The following R3HCC1L variants were observed in gnomAD, a reference collection of about 807,000 sequenced individuals.
R3HCC1L encodes R3H domain and coiled-coil containing 1 like.
A neutral mutation model predicts 59.9 loss-of-function variants in R3HCC1L; 51 were observed. That is an observed-to-expected ratio of 0.85 (90% CI 0.68 to 1.07). The LOEUF (loss-of-function observed/expected upper bound fraction) is 1.07, where lower values mean the gene tolerates loss of function less well. Ranked by LOEUF, R3HCC1L falls within the 50% of genes least tolerant of loss-of-function variation. The pLI, the probability that R3HCC1L is intolerant of heterozygous loss-of-function variation, is 0.00. For synonymous variants in R3HCC1L, 322 were observed against 315.2 expected, an observed-to-expected ratio of 1.02 and a Z score of -0.23; for missense variants, 965 against 933.0, an observed-to-expected ratio of 1.03 and a Z score of -0.45.
intron 5 of R3HCC1L, among the ~76,000 whole-genome samples, chr10:98,221,451 G>C (rs1352277171): frequency 6.6e-6 from 1 of 150,970 alleles, no homozygotes; most frequent in Non-Finnish European, 1.5e-5. Flanking sequence ...TGAAGTCCTT[G>C]CCCATGCCTA....
intron 2 of R3HCC1L, among the ~76,000 whole-genome samples, chr10:98,160,023 G>C (rs1847249059): frequency 6.6e-6 from 1 of 152,170 alleles, no homozygotes; most frequent in Non-Finnish European, 1.5e-5. Flanking sequence ...CTCAGATTCT[G>C]ACCCAACACT....
chr10:98,238,242 A>G (rs1254530021), intron 9 of R3HCC1L, among the ~76,000 whole-genome samples: 2 of 152,176 alleles, frequency 1.3e-5, no homozygotes, highest in African/African-American at 4.8e-5. Context: ...TCCTGTAATC[A>G]TCTGTTAGCT....
intron 5 of R3HCC1L, among the ~76,000 whole-genome samples, chr10:98,211,755 G>A (rs1277174063): frequency 1.3e-5 from 2 of 152,076 alleles, no homozygotes; most frequent in Admixed American, 6.6e-5. Flanking sequence ...GGCTTCCAGG[G>A]GCTTTCAAAA....
intron 6 of R3HCC1L, 103 bp downstream of exon 6, chr10:98,231,790 A>G: frequency 8.2e-7 from 1 of 1,226,620 alleles, no homozygotes; most frequent in Non-Finnish European, 1.1e-6. Context: ...CGTTTTTCAT[A>G]TTTTAGCATC....
At position 98,209,306 on chromosome 10, in the gene R3HCC1L, G is replaced by A. The variant is rs754812072; in HGVS notation, c.1192G>A (p.Ala398Thr). The A allele has an allele frequency of 5.6e-5, 90 of 1,613,994 alleles. No individual in the cohort carries two copies. Among genetic ancestry groups the A allele is most frequent in the Non-Finnish European group, 7.5e-5 (89 of 1,179,948 alleles). ...HVTVDSPYVVAVRIADETSIN... is the reference protein window; with the variant it reads ...HVTVDSPYVVTVRIADETSIN... Reference sequence around the variant, plus strand: ...AACTGTTGATAGCCCTTATGTAGTTGCAGTTAGAATAGCTGATGAGACCTC... The same window carrying A: ...AACTGTTGATAGCCCTTATGTAGTTACAGTTAGAATAGCTGATGAGACCTC... Residue 398 changes from alanine to threonine, a missense_variant, in exon 5 of 10, where the codon GCA (alanine) becomes ACA (threonine). By Grantham distance (58) the Ala-to-Thr change is moderately conservative (BLOSUM62 0). Transcript: ENST00000298999.
intron 2 of R3HCC1L, among the ~76,000 whole-genome samples, chr10:98,160,952 C>T (rs1289418771): frequency 6.6e-6 from 1 of 152,120 alleles, no homozygotes; most frequent in Non-Finnish European, 1.5e-5. Flanking sequence ...TACTCTTATG[C>T]TGTTTCTAAT....
intron 4 of R3HCC1L, among the ~76,000 whole-genome samples, chr10:98,187,267 TG>T (rs1564664797): frequency 1.3e-5 from 2 of 152,252 alleles, no homozygotes; most frequent in African/African-American, 4.8e-5. Flanking sequence ...CCTGAAAATC[TG>T]AAATCTGAAA....
intron 4 of R3HCC1L, among the ~76,000 whole-genome samples, chr10:98,194,402 C>G (rs1851195784): frequency 6.6e-6 from 1 of 152,052 alleles, no homozygotes; most frequent in Non-Finnish European, 1.5e-5. Context: ...TGGTTTCTTG[C>G]ATATGACATC....
rs1270631423 is a variant in R3HCC1L, at chr10:98,231,641, C to G, written c.1915C>G (p.Gln639Glu). ...PHVIEIYDFP[Q>E]EFHTEDLLRV... is the part of the protein sequence containing the mutation. ...TGTCATTGAAATTTATGACTTTCCC[C>G]AAGAATTTCATACTGAAGACCTTCT... Residue 639 changes from glutamine to glutamate, a missense_variant, in exon 6 of 10, where the codon CAA becomes GAA. Coordinates refer to ENST00000298999, the MANE Select transcript of R3HCC1L (RefSeq NM_001351015.2). 1.2e-6 allele frequency: 2 copies of G among 1,612,558 alleles called. No individual in the cohort carries two copies. Among genetic ancestry groups the G allele is most frequent in the Non-Finnish European group, 1.7e-6 (2 of 1,179,006 alleles).
intron 4 of R3HCC1L, among the ~76,000 whole-genome samples, chr10:98,203,976 A>G (rs1852333560): frequency 6.6e-6 from 1 of 152,216 alleles, no homozygotes; most frequent in African/African-American, 2.4e-5. Flanking sequence ...TTTTGAACAG[A>G]GTGCATGCTG....
chr10:98,136,471 A>G (rs1325198051), intron 1 of R3HCC1L, among the ~76,000 whole-genome samples: 3 of 152,146 alleles, frequency 2.0e-5, no homozygotes, highest in Non-Finnish European at 4.4e-5. Flanking sequence ...CTAAACATGA[A>G]ATTGATTTAG....
intron 9 of R3HCC1L, among the ~76,000 whole-genome samples, chr10:98,243,104 G>C (rs148231874): frequency 6.6e-6 from 1 of 152,186 alleles, no homozygotes; most frequent in Non-Finnish European, 1.5e-5. Flanking sequence ...TGCCCTTAAA[G>C]TACAGTCAAA....
intron 4 of R3HCC1L, among the ~76,000 whole-genome samples, chr10:98,207,024 G>C (rs938768562): frequency 2.6e-5 from 4 of 152,210 alleles, no homozygotes; most frequent in African/African-American, 7.2e-5. Context: ...TTTCATCAAG[G>C]AAGTATTCTG....
rs1337587741 is a variant in R3HCC1L at position 98,209,743 on chromosome 10, A to C, written c.1629A>C (p.Val543=). 1 of 1,613,946 alleles carries C rather than the reference A, an allele frequency of 6.2e-7. No homozygotes were observed. The highest frequency in any genetic ancestry group is 8.5e-7 in the Non-Finnish European group (1 of 1,179,874). The change falls in exon 5 of 10, where the codon GTA becomes GTC. Residue 543 remains valine, a synonymous_variant. Coordinates refer to ENST00000298999, the MANE Select transcript of R3HCC1L (RefSeq NM_001351015.2). ...ACTCAGGGAGTATAGAATTTGGTGT[A>C]TCTTTTCCTGATAGGGAATCATCAT... The part of the protein sequence containing the change: ...QDDSGSIEFG[V]SFPDRESSSM...
chr10:98,183,943 T>TAG (rs1849927122), intron 4 of R3HCC1L, among the ~76,000 whole-genome samples: 2 of 147,694 alleles, frequency 1.4e-5, no homozygotes, highest in African/African-American at 5.0e-5. Context: ...TTTTTTTTTC[T>TAG]TTGCTCCTTT....
chr10:98,244,327 CA>C lies in R3HCC1L; in HGVS notation c.*170del. On this transcript the variant is annotated 3_prime_UTR_variant, in exon 10 of 10. Coordinates refer to ENST00000298999, the MANE Select transcript of R3HCC1L (RefSeq NM_001351015.2). ...TAGAAGGAAGACAGACTCCTGTCTT[CA>C]CTCCTAAATGCAGTTCTTTGGAATC... The C allele has an allele frequency of 5.1e-6, 3 of 592,310 alleles. No homozygotes were observed. Among genetic ancestry groups the C allele is most frequent in the Non-Finnish European group, 8.8e-6 (3 of 342,048 alleles). The allele number at this position is 592,310 out of a possible 1,614,324, so 36.7% of individuals were successfully genotyped here.
intron 2 of R3HCC1L, among the ~76,000 whole-genome samples, chr10:98,160,802 T>TC (rs2134169154): frequency 6.6e-6 from 1 of 152,292 alleles, no homozygotes; most frequent in South Asian, 2.1e-4. Flanking sequence ...TAACCTGACC[T>TC]CTGTAGGTTA....
intron 4 of R3HCC1L, among the ~76,000 whole-genome samples, chr10:98,182,850 A>G (rs547644694): frequency 6.6e-6 from 1 of 152,292 alleles, no homozygotes; most frequent in South Asian, 2.1e-4. Flanking sequence ...TGAGCCAGTC[A>G]AGGGATATAA....
chr10:98,219,161 C>A (rs1854575800), intron 5 of R3HCC1L, among the ~76,000 whole-genome samples: 1 of 152,230 alleles, frequency 6.6e-6, no homozygotes, highest in Non-Finnish European at 1.5e-5. Flanking sequence ...ATCCACCTGC[C>A]TTGGCCTCCC....
Sources: allele counts gnomAD v4.1 joint callset (sites outside exome capture counted in the v4.1 genomes callset), GRCh38; gene constraint gnomAD v4.1.1; transcripts MANE v1.5; gene names NCBI Gene and HGNC (gene_info 2026-07-23, HGNC 2026-07-21).